The following HTRA1 variants were observed in gnomAD, a reference collection of about 807,000 sequenced individuals.
HTRA1 encodes the protein serine protease HTRA1.
A neutral mutation model predicts 49.7 loss-of-function variants in HTRA1; 26 were observed. That is an observed-to-expected ratio of 0.52 (90% CI 0.38 to 0.73). The LOEUF (loss-of-function observed/expected upper bound fraction) is 0.73. HTRA1 is among the 30% of genes least tolerant of loss of function. The probability of loss-of-function intolerance (pLI) is 0.00; values close to 1 mark genes in which losing one functional copy is unlikely to be tolerated. For missense variants in HTRA1, 561 were observed against 667.2 expected (o/e 0.84, Z 1.75); for synonymous variants, 291 against 286.9 (o/e 1.01, Z -0.14).
At chr10:122,489,248 A>C (rs914684777) in intron 2 of HTRA1, among the ~76,000 whole-genome samples, 174 bp from the exon 3 acceptor site, 1 of 152,186 alleles carries the variant, frequency 6.6e-6, no homozygotes, top group African/African-American at 2.4e-5. Flanking sequence ...TGTAAGTGGA[A>C]GTTTTTGATG....
intron 3 of HTRA1, among the ~76,000 whole-genome samples, chr10:122,492,626 G>A (rs778122296): frequency 1.2e-4 from 18 of 152,252 alleles, no homozygotes; most frequent in South Asian, 2.1e-4. Flanking sequence ...GAGCCATTGC[G>A]CGTGGCTGTA....
At position 122,489,592 on chromosome 10, in the gene HTRA1, A is replaced by C. The variant is rs970437537; in HGVS notation, c.743A>C (p.Lys248Thr). ...GCCAAAATCAAGGATGTGGATGAGA[A>C]AGCAGACATCGCACTCATCAAAATT... ...YEAKIKDVDE[K>T]ADIALIKIDH... is the part of the protein sequence containing the mutation. The change falls in exon 3 of 9, where the codon AAA (lysine) becomes ACA (threonine). Residue 248 changes from lysine (K) to threonine (T), a missense_variant. By Grantham distance (78) the Lys-to-Thr change is moderately conservative (BLOSUM62 -1). Transcript: ENST00000368984. 1.3e-5 allele frequency: 21 copies of C among 1,613,936 alleles called. No homozygotes were observed. Among genetic ancestry groups the C allele is most frequent in the Non-Finnish European group, 1.6e-5 (19 of 1,180,008 alleles).
intron 7 of HTRA1, 74 bp downstream of exon 7, chr10:122,510,227 C>T (rs1467152661): frequency 9.0e-6 from 11 of 1,227,582 alleles, no homozygotes; most frequent in Non-Finnish European, 1.3e-5. Context: ...CACGGGCACC[C>T]CTGAAAGAGA....
intron 3 of HTRA1, among the ~76,000 whole-genome samples, chr10:122,491,445 C>T (rs137974467): frequency 7.4e-4 from 112 of 152,354 alleles, no homozygotes; most frequent in Admixed American, 1.2e-3. Flanking sequence ...TGTGGCCACG[C>T]GTGGGACCTG....
chr10:122,485,172 T>C (rs2097492565), intron 1 of HTRA1, among the ~76,000 whole-genome samples: 1 of 152,268 alleles, frequency 6.6e-6, no homozygotes, highest in South Asian at 2.1e-4. Flanking sequence ...TCTTCTTCTT[T>C]CAGTTGACAT....
intron 3 of HTRA1, among the ~76,000 whole-genome samples, chr10:122,501,150 C>T (rs572615124): frequency 6.1e-4 from 93 of 152,296 alleles, no homozygotes; most frequent in Middle Eastern, 6.8e-3. Context: ...ATGAAGCCAT[C>T]CTGCCCATCC....
chr10:122,477,804 G>A (rs939161388), intron 1 of HTRA1, among the ~76,000 whole-genome samples: 1 of 152,212 alleles, frequency 6.6e-6, no homozygotes, highest in Non-Finnish European at 1.5e-5. Flanking sequence ...GGCCCTTCAA[G>A]TGAGGATGGG....
At chr10:122,492,622 T>C (rs911197621) in intron 3 of HTRA1, among the ~76,000 whole-genome samples, 4 of 152,184 alleles carry the variant, frequency 2.6e-5, no homozygotes, top group African/African-American at 9.7e-5. Flanking sequence ...GTGTGAGCCA[T>C]TGCGCGTGGC....
intron 8 of HTRA1, among the ~76,000 whole-genome samples, chr10:122,512,272 C>T (rs1259366208): frequency 1.3e-5 from 2 of 152,104 alleles, no homozygotes; most frequent in Non-Finnish European, 2.9e-5. Flanking sequence ...TGCCTTCTGT[C>T]TTCAAAAGTC....
In HTRA1 at chr10:122,506,996, G is replaced by A. The variant is rs1483828063; in HGVS notation, c.972+111G>A. 2 of 959,498 alleles carry A rather than the reference G, an allele frequency of 2.1e-6. No individual in the cohort carries two copies. Among genetic ancestry groups the A allele is most frequent in the Non-Finnish European group, 3.2e-6 (2 of 619,946 alleles). 59.4% of individuals were successfully genotyped at this position (959,498 alleles called of 1,614,324 possible). ...TTGTTGTAGTCTGCGTGAAGGGATG[G>A]AACTAGACCAAGCCATGTGGATTCT... On this transcript the variant is annotated intron_variant, in intron 4 of 8. Coordinates refer to ENST00000368984, the MANE Select transcript of HTRA1 (RefSeq NM_002775.5). This position sits in a 1 kb window ranked among gnomAD's most constrained non-coding sequence, Gnocchi z 5.2.
Position 122,506,533 on chromosome 10 carries a change from C to T in HTRA1, c.778-158C>T, listed in dbSNP as rs577861950. On this transcript the variant is annotated intron_variant, in intron 3 of 8. Coordinates refer to ENST00000368984, the MANE Select transcript of HTRA1 (RefSeq NM_002775.5). This position sits in a 1 kb window ranked among gnomAD's most constrained non-coding sequence, Gnocchi z 5.2. ...GGTGGGAGGGAAATCCAGTCCTGCC[C>T]GCAGCAAAGGGATGTTAGTTGTGAG... 6.6e-6 allele frequency among the ~76,000 whole-genome samples: 1 copy of T among 152,280 alleles called. No homozygotes were observed. Among genetic ancestry groups the T allele is most frequent in the Non-Finnish European group, 1.5e-5 (1 of 68,036 alleles).
In HTRA1 at chr10:122,461,729, G is replaced by A. The variant is rs190036021; in HGVS notation, c.77G>A (p.Arg26Gln). The change falls in exon 1 of 9, where the codon CGG (arginine) becomes CAG (glutamine). Residue 26 changes from arginine (R) to glutamine (Q), a missense_variant. Physicochemically the swap from Arg to Gln is conservative, Grantham distance 43 (BLOSUM62 1). Around this residue, in one of 3 missense-constraint regions of HTRA1, gnomAD observed 111 missense variants for 83.7 expected, o/e 1.33. Transcript: ENST00000368984. ...GCGCCCGCCTCGGCGCAGCTGTCCCGGGCCGGCCGCTCGGCGCCTTTGGCC... is the reference window on the plus strand; with the variant it reads ...GCGCCCGCCTCGGCGCAGCTGTCCCAGGCCGGCCGCTCGGCGCCTTTGGCC... ...LAAPASAQLS[R>Q]AGRSAPLAAG... 3.3e-3 allele frequency: 3,879 copies of A among 1,181,636 alleles called. 85 individuals carry two copies. In the African/African-American group the frequency reaches 0.046, roughly 14 times the overall value. The allele number at this position is 1,181,636 out of a possible 1,614,324, so 73.2% of individuals were successfully genotyped here.
At chr10:122,510,243 T>C in intron 7 of HTRA1, 90 bp downstream of exon 7, 1 of 1,011,906 alleles carries the variant, frequency 9.9e-7, no homozygotes, top group Non-Finnish European at 1.6e-6. Flanking sequence ...AGAGAAACCT[T>C]ATGCTGCCTT....
chr10:122,500,825 G>A (rs1031461787), intron 3 of HTRA1, among the ~76,000 whole-genome samples: 1 of 152,074 alleles, frequency 6.6e-6, no homozygotes, highest in Non-Finnish European at 1.5e-5. Context: ...CACACATAGT[G>A]CCCCCAAAAC....
At chr10:122,497,097 C>A (rs2097499038) in intron 3 of HTRA1, among the ~76,000 whole-genome samples, 1 of 152,178 alleles carries the variant, frequency 6.6e-6, no homozygotes, top group East Asian at 1.9e-4. Context: ...AGAAATAAGA[C>A]CTTCTGGTGA....
intron 1 of HTRA1, among the ~76,000 whole-genome samples, chr10:122,465,982 A>T (rs2097483603): frequency 6.6e-6 from 1 of 152,146 alleles, no homozygotes; most frequent in South Asian, 2.1e-4. Context: ...GCAGCAGCCC[A>T]GACAAGCTTG....
chr10:122,473,228 G>A (rs1036238031), intron 1 of HTRA1, among the ~76,000 whole-genome samples: 5 of 152,180 alleles, frequency 3.3e-5, no homozygotes, highest in Admixed American at 6.5e-5. Context: ...GGAGGGGCTT[G>A]GGTGTTTGTC....
At chr10:122,512,592 C>T (rs962409239) in intron 8 of HTRA1, among the ~76,000 whole-genome samples, 8 of 152,216 alleles carry the variant, frequency 5.3e-5, no homozygotes, top group Admixed American at 1.3e-4. Context: ...GAGAAAAGTG[C>T]GAGACCAGGG....
rs2268348 is a variant in HTRA1 at position 122,487,407 on chromosome 10, C to T, written c.473-1495C>T. ...ACTGCCTCTGCCACCACCCGTGCCA[C>T]GAAAATGGGAGCCCAGGACCCTGAA... is the stretch of plus-strand genomic sequence containing the variant. On this transcript the variant is annotated intron_variant, in intron 1 of 8. Coordinates refer to ENST00000368984, the MANE Select transcript of HTRA1 (RefSeq NM_002775.5). The surrounding 1 kb of genome is among the most constrained non-coding windows in gnomAD (Gnocchi z 4.8). Among the ~76,000 whole-genome samples the T allele has an allele frequency of 0.097, 14,721 of 152,194 alleles. 1,008 individuals are homozygous for T. Among genetic ancestry groups the T allele is most frequent in the South Asian group, 0.31 (1,515 of 4,818 alleles).
Sources: allele counts gnomAD v4.1 joint callset (sites outside exome capture counted in the v4.1 genomes callset), GRCh38; gene constraint gnomAD v4.1.1; regional missense constraint gnomAD v4.1.1; non-coding constraint Gnocchi (gnomAD v3.1); transcripts MANE v1.5; gene names NCBI Gene and HGNC (gene_info 2026-07-23, HGNC 2026-07-21).